The following ACBD6 variants were observed in gnomAD, a reference collection of about 807,000 sequenced individuals.
ACBD6 encodes acyl-CoA-binding domain-containing protein 6.
ACBD6 carries 28 observed loss-of-function variants against 37.2 expected under a neutral mutation model. The observed-to-expected ratio is 0.75, with a 90% confidence interval of 0.56 to 1.03. The LOEUF (loss-of-function observed/expected upper bound fraction) is 1.03, where lower values mean the gene tolerates loss of function less well. Among genes scored for constraint, ACBD6 ranks in the 50% least tolerant of loss-of-function variants. The pLI is 0.00. For synonymous variants in ACBD6, 113 were observed against 126.8 expected, an observed-to-expected ratio of 0.89 and a Z score of 0.73; for missense variants, 340 against 337.4, an observed-to-expected ratio of 1.01 and a Z score of -0.06.
chr1:180,324,262 T>C (rs1379023873), intron 6 of ACBD6, among the ~76,000 whole-genome samples: 1 of 152,092 alleles, frequency 6.6e-6, no homozygotes, highest in Non-Finnish European at 1.5e-5. Flanking sequence ...GCTTCTGCCA[T>C]TCTGTTATTT....
chr1:180,391,961 G>A (rs1321332124), intron 6 of ACBD6, among the ~76,000 whole-genome samples: 1 of 152,058 alleles, frequency 6.6e-6, no homozygotes, highest in Non-Finnish European at 1.5e-5. Context: ...GCAATGAAAT[G>A]TTATACAGCA....
At chr1:180,417,545 T>C (rs1356420544) in intron 4 of ACBD6, among the ~76,000 whole-genome samples, 2 of 152,224 alleles carry the variant, frequency 1.3e-5, no homozygotes, top group Non-Finnish European at 2.9e-5. Context: ...TCTGTTTTTC[T>C]GGACTCCTCA....
chr1:180,428,885 G>A (rs1648703274), intron 4 of ACBD6, among the ~76,000 whole-genome samples: 1 of 152,070 alleles, frequency 6.6e-6, no homozygotes, highest in African/African-American at 2.4e-5. Flanking sequence ...AAAGAGGTTA[G>A]GATAGGCATA....
Position 180,305,677 on chromosome 1 carries a change from T to C in ACBD6, c.694+9015A>G, listed in dbSNP as rs556203233. ...TGGGACTGTAAACTGGTTCAACCAT[T>C]GTGGAAGTCAGTGTGGCAATTCCTC... is the stretch of plus-strand genomic sequence containing the variant. On this transcript the variant is annotated intron_variant, in intron 7 of 7. Transcript: ENST00000367595. Among the ~76,000 whole-genome samples, 104 of 152,314 alleles carry C rather than the reference T, an allele frequency of 6.8e-4. 1 individual carries two copies. The highest frequency in any genetic ancestry group is 3.4e-3 in the Middle Eastern group (1 of 294).
In ACBD6 at chr1:180,364,626, C is replaced by T. The variant is rs570384005; in HGVS notation, c.663+32890G>A. The stretch of plus-strand genomic sequence containing the variant: ...AGAATAGGCTATTTTGTGAAGTAAA[C>T]AGAAATCTTCAGACAGGCTAGCTGG... On this transcript the variant is annotated intron_variant, in intron 6 of 7. Coordinates refer to ENST00000367595, the MANE Select transcript of ACBD6 (RefSeq NM_032360.4). 4.6e-5 allele frequency among the ~76,000 whole-genome samples: 7 copies of T among 152,154 alleles called. No individual in the cohort carries two copies. The South Asian group carries it at 1.5e-3, about 32-fold the overall frequency.
rs143970922 is a variant in ACBD6, at chr1:180,402,256, T to C, written c.574-4651A>G. Among the ~76,000 whole-genome samples, 23 of 152,210 alleles carry C rather than the reference T, an allele frequency of 1.5e-4. No homozygotes were observed. In the East Asian group the frequency reaches 4.4e-3, roughly 29 times the overall value. On this transcript the variant is annotated intron_variant, in intron 5 of 7. Coordinates refer to ENST00000367595, the MANE Select transcript of ACBD6 (RefSeq NM_032360.4). ...CCTTCTTTCACTTCCCTGTCCATAG[T>C]GAAATGACAATGTTATTTCAAGCAC...
At chr1:180,441,543 T>C (rs750233064) in intron 3 of ACBD6, among the ~76,000 whole-genome samples, 8 of 152,228 alleles carry the variant, frequency 5.3e-5, no homozygotes, top group Non-Finnish European at 8.8e-5. Context: ...TTAGGTCTTC[T>C]TTAATTTCTT....
At chr1:180,384,470 T>C (rs1315556615) in intron 6 of ACBD6, among the ~76,000 whole-genome samples, 1 of 152,106 alleles carries the variant, frequency 6.6e-6, no homozygotes, top group Non-Finnish European at 1.5e-5. Context: ...TTATCCCAGT[T>C]AGAATGGTTA....
chr1:180,398,114 C>A (rs186393391), intron 5 of ACBD6, among the ~76,000 whole-genome samples: 1 of 152,120 alleles, frequency 6.6e-6, no homozygotes, highest in Admixed American at 6.5e-5. Context: ...CAATAGGAAG[C>A]CCCAATATCT....
intron 3 of ACBD6, among the ~76,000 whole-genome samples, chr1:180,441,551 C>A (rs1360908412): frequency 1.3e-5 from 2 of 152,268 alleles, no homozygotes; most frequent in African/African-American, 4.8e-5. Flanking sequence ...TCTTTAATTT[C>A]TTTCGGCAAT....
At chr1:180,435,397 C>T (rs1374635316) in intron 3 of ACBD6, 12 of 407,546 alleles carry the variant, frequency 2.9e-5, no homozygotes, top group South Asian at 1.4e-4. Context: ...TACAGGCGCC[C>T]GCCACCACGC....
At chr1:180,442,431 C>A (rs1649318752) in intron 3 of ACBD6, among the ~76,000 whole-genome samples, 1 of 152,132 alleles carries the variant, frequency 6.6e-6, no homozygotes, top group African/African-American at 2.4e-5. Context: ...TACAGGATAT[C>A]CTCCATAAAG....
At chr1:180,285,188 G>A (rs757074609), downstream of ACBD6, among the ~76,000 whole-genome samples, 27 of 152,132 alleles carry the variant, frequency 1.8e-4, no homozygotes, top group Non-Finnish European at 1.8e-4. Flanking sequence ...TTTCATTGAA[G>A]CTAAGATATA....
At chr1:180,385,119 G>A (rs145864611) in intron 6 of ACBD6, among the ~76,000 whole-genome samples, 3 of 151,910 alleles carry the variant, frequency 2.0e-5, no homozygotes, top group African/African-American at 4.8e-5. Context: ...TAGCAACAAC[G>A]CATTGTATAT....
chr1:180,391,851 A>G (rs1176395677), intron 6 of ACBD6, among the ~76,000 whole-genome samples: 7 of 151,888 alleles, frequency 4.6e-5, no homozygotes, highest in Non-Finnish European at 8.8e-5. Context: ...TACATTCAAG[A>G]AAGCTCACAG....
intron 7 of ACBD6, among the ~76,000 whole-genome samples, chr1:180,304,833 C>T (rs1177318326): frequency 6.6e-6 from 1 of 151,620 alleles, no homozygotes; most frequent in Admixed American, 6.6e-5. Flanking sequence ...GGAGGCATCA[C>T]ACTACCTGAC....
At chr1:180,366,437 C>G (rs1188007418) in intron 6 of ACBD6, among the ~76,000 whole-genome samples, 1 of 152,142 alleles carries the variant, frequency 6.6e-6, no homozygotes, top group East Asian at 1.9e-4. Context: ...TCAACAATTT[C>G]TGGTTAATAG....
chr1:180,447,804 C>T (rs985423847), intron 3 of ACBD6, among the ~76,000 whole-genome samples: 13 of 151,752 alleles, frequency 8.6e-5, no homozygotes, highest in African/African-American at 2.9e-4. Flanking sequence ...TCTGTAATAA[C>T]GTCTCAAAAA....
chr1:180,419,532 C>T (rs192697075), intron 4 of ACBD6, among the ~76,000 whole-genome samples: 1 of 152,126 alleles, frequency 6.6e-6, no homozygotes, highest in East Asian at 1.9e-4. Context: ...ATAAGTTGAC[C>T]CTTAAACAAC....
Sources: gnomAD v4.1 joint callset for allele counts (sites outside exome capture counted in the v4.1 genomes callset) on GRCh38, gnomAD v4.1.1 for gene constraint, MANE v1.5 for transcripts, NCBI Gene and HGNC (gene_info 2026-07-23, HGNC 2026-07-21) for gene names.